The following KRT86 variants were observed in gnomAD, a reference collection of about 807,000 sequenced individuals.
KRT86 encodes the protein keratin, type II cuticular Hb6.
In KRT86, 30 loss-of-function variants were observed where a neutral mutation model predicts 41.2. That is an observed-to-expected ratio of 0.73 (90% CI 0.54 to 0.99). The LOEUF is 0.99. Among genes scored for constraint, KRT86 ranks in the 50% least tolerant of loss-of-function variants. The pLI, the probability that KRT86 is intolerant of heterozygous loss-of-function variation, is 0.00. For missense variants in KRT86, 561 were observed against 571.4 expected (o/e 0.98, Z 0.19); for synonymous variants, 238 against 238.1 (o/e 1.00, Z 0.00).
At position 52,304,943 on chromosome 12, in the gene KRT86, C is replaced by T. The variant is rs377005978; in HGVS notation, c.651C>T (p.Cys217=). Residue 217 remains cysteine (C), a synonymous_variant, in exon 6 of 11, where the codon TGC becomes TGT. Coordinates refer to ENST00000423955, the MANE Select transcript of KRT86 (RefSeq NM_001320198.2). ...CCCCACCTTTCCAGGATGTGGACTGCGCCTACCTCCGCAAATCAGACCTGG... is the reference window on the plus strand; with the variant it reads ...CCCCACCTTTCCAGGATGTGGACTGTGCCTACCTCCGCAAATCAGACCTGG... ...EFVALKKDVD[C]AYLRKSDLEA... is the part of the protein sequence containing the mutation. 85 of 1,613,956 alleles carry T rather than the reference C, an allele frequency of 5.3e-5. No homozygotes were observed. The South Asian group carries it at 7.1e-4, about 14-fold the overall frequency.
intron 2 of KRT86, chr12:52,286,380 T>G (rs1937933800): frequency 6.4e-7 from 1 of 1,555,180 alleles, no homozygotes; most frequent in Non-Finnish European, 8.7e-7. Context: ...CACAGGCCGG[T>G]GCTCACCGCC....
Position 52,302,305 on chromosome 12 carries a change from C to A in KRT86, c.369+20C>A. On this transcript the variant is annotated intron_variant, in intron 3 of 10. Transcript: ENST00000423955. Reference sequence around the variant, plus strand: ...GACAAGGTGGGTGTCCTGGATCACACCCTTCCTGAACCCCCACCACCTACA... The same window carrying A: ...GACAAGGTGGGTGTCCTGGATCACAACCTTCCTGAACCCCCACCACCTACA... 1.7e-6 allele frequency: 1 copy of A among 591,596 alleles called. No homozygotes were observed. The highest frequency in any genetic ancestry group is 2.6e-6 in the Non-Finnish European group (1 of 379,536). 36.6% of individuals were successfully genotyped at this position (591,596 alleles called of 1,614,324 possible).
chr12:52,288,593 G>A lies in KRT86; in HGVS notation c.-5+12647G>A. 3 of 1,082,308 alleles carry A rather than the reference G, an allele frequency of 2.8e-6. No homozygotes were observed. The South Asian group carries it at 3.8e-5, about 14-fold the overall frequency. 67.0% of individuals were successfully genotyped at this position (1,082,308 alleles called of 1,614,324 possible). On this transcript the variant is annotated intron_variant, in intron 2 of 10. Coordinates refer to ENST00000423955, the MANE Select transcript of KRT86 (RefSeq NM_001320198.2). ...ATTCCCATGCCTTTCCTCCCCTTCT[G>A]CCCTTCCTGGGATGAGCTGGCATCC...
Position 52,291,067 on chromosome 12 carries a change from T to G in KRT86, c.-4-10846T>G, listed in dbSNP as rs1938101172. 5.6e-6 allele frequency: 3 copies of G among 537,558 alleles called. No individual in the cohort carries two copies. The Admixed American group carries it at 1.3e-4, about 24-fold the overall frequency. The allele number at this position is 537,558 out of a possible 1,614,324, so 33.3% of individuals were successfully genotyped here. ...GCCCTGGCTGTGTAGGTGGTGGGGG[T>G]TCAGGAAGGGTGTGATCCAGGACAC... On this transcript the variant is annotated intron_variant, in intron 2 of 10. Transcript: ENST00000423955.
chr12:52,300,731 CAG>C, intron 2 of KRT86, among the ~76,000 whole-genome samples: 1 of 152,360 alleles, frequency 6.6e-6, no homozygotes, highest in South Asian at 2.1e-4. Context: ...AGCAGGGACT[CAG>C]GGGATGATGG....
At chr12:52,288,999 CT>C (rs1938059032) in intron 2 of KRT86, among the ~76,000 whole-genome samples, 1 of 134,696 alleles carries the variant, frequency 7.4e-6, no homozygotes, top group African/African-American at 2.9e-5. Flanking sequence ...CAGCCATCCC[CT>C]TGCCCAAGGT....
intron 2 of KRT86, among the ~76,000 whole-genome samples, chr12:52,279,710 A>T (rs1937728694): frequency 6.6e-6 from 1 of 152,154 alleles, no homozygotes; most frequent in Non-Finnish European, 1.5e-5. Flanking sequence ...ATATTATAGA[A>T]CCAGAGTCTT....
intron 2 of KRT86, among the ~76,000 whole-genome samples, chr12:52,281,660 C>G (rs996917172): frequency 6.6e-6 from 1 of 152,208 alleles, no homozygotes; most frequent in African/African-American, 2.4e-5. Context: ...TGTCCAAACT[C>G]TTCACCTGTT....
At chr12:52,287,971 C>T (rs1322420105) in intron 2 of KRT86, 1 of 1,614,194 alleles carries the variant, frequency 6.2e-7, no homozygotes, top group Admixed American at 1.7e-5. Context: ...GGCAGGTGTC[C>T]TGTGCCACTC....
chr12:52,288,451 C>T, intron 2 of KRT86: 2 of 1,614,104 alleles, frequency 1.2e-6, no homozygotes, highest in Non-Finnish European at 1.7e-6. Flanking sequence ...AGGCGCAGTC[C>T]ACATCCTGGA....
At chr12:52,298,776 A>T (rs1286126514) in intron 2 of KRT86, among the ~76,000 whole-genome samples, 9 of 152,230 alleles carry the variant, frequency 5.9e-5, no homozygotes, top group African/African-American at 9.6e-5. Context: ...TATGCCATGT[A>T]TTCAAACTTT....
intron 2 of KRT86, among the ~76,000 whole-genome samples, chr12:52,295,439 C>T (rs1354547578): frequency 6.6e-6 from 1 of 152,198 alleles, no homozygotes; most frequent in Non-Finnish European, 1.5e-5. Context: ...TCCCATTGCA[C>T]TCCCTTCTGT....
At chr12:52,279,964 C>T (rs1202002409) in intron 2 of KRT86, among the ~76,000 whole-genome samples, 5 of 152,130 alleles carry the variant, frequency 3.3e-5, no homozygotes, top group African/African-American at 7.2e-5. Context: ...GGGCCATAGA[C>T]GAGGAAACCG....
chr12:52,282,580 G>C (rs1260104180), intron 2 of KRT86, among the ~76,000 whole-genome samples: 1 of 152,216 alleles, frequency 6.6e-6, no homozygotes, highest in South Asian at 2.1e-4. Context: ...GTCCAAGGGT[G>C]GCTGAACTCC....
At chr12:52,295,347 G>T (rs1263676172) in intron 2 of KRT86, among the ~76,000 whole-genome samples, 1 of 152,168 alleles carries the variant, frequency 6.6e-6, no homozygotes, top group Non-Finnish European at 1.5e-5. Flanking sequence ...GGTCTAGGGA[G>T]GTTAAGGCTC....
Position 52,291,438 on chromosome 12 carries a change from G to A in KRT86, c.-4-10475G>A, listed in dbSNP as rs753782485. 6 of 1,612,520 alleles carry A rather than the reference G, an allele frequency of 3.7e-6. No homozygotes were observed. The highest frequency in any genetic ancestry group is 1.7e-5 in the Admixed American group (1 of 59,894). The stretch of plus-strand genomic sequence containing the variant: ...CAGGCCGAGATGCAGCTGAAGGCGC[G>A]CCCACCAAATCCTGATCCGCAGGTC... On this transcript the variant is annotated intron_variant, in intron 2 of 10. Coordinates refer to ENST00000423955, the MANE Select transcript of KRT86 (RefSeq NM_001320198.2).
chr12:52,300,190 G>A (rs1472929063), intron 2 of KRT86, among the ~76,000 whole-genome samples: 2 of 152,184 alleles, frequency 1.3e-5, no homozygotes, highest in African/African-American at 4.8e-5. Flanking sequence ...CATGGTGACT[G>A]AGTATGCACA....
At chr12:52,281,312 G>A (rs534307754) in intron 2 of KRT86, among the ~76,000 whole-genome samples, 4 of 152,298 alleles carry the variant, frequency 2.6e-5, no homozygotes, top group East Asian at 1.9e-4. Context: ...CTCACACTCC[G>A]TTGTATTTAA....
chr12:52,279,865 T>A (rs1011253947), intron 2 of KRT86, among the ~76,000 whole-genome samples: 3 of 152,148 alleles, frequency 2.0e-5, no homozygotes, highest in Admixed American at 6.5e-5. Flanking sequence ...ACATACTTAC[T>A]GAATGGCCTC....
Sources: allele counts gnomAD v4.1 joint callset (sites outside exome capture counted in the v4.1 genomes callset), GRCh38; gene constraint gnomAD v4.1.1; transcripts MANE v1.5; gene names NCBI Gene and HGNC (gene_info 2026-07-23, HGNC 2026-07-21).